The following PRMT2 variants were observed in gnomAD, a reference collection of about 807,000 sequenced individuals.
The protein encoded by PRMT2 is protein arginine N-methyltransferase 2.
Under a neutral mutation model 57.6 loss-of-function variants are expected in PRMT2, and 26 were observed. The ratio of observed to expected loss-of-function variants is 0.45; its 90% CI spans 0.33 to 0.63. The LOEUF is 0.63. PRMT2 is among the 20% of genes least tolerant of loss of function. The pLI is 0.02. For synonymous variants in PRMT2, 219 were observed against 220.0 expected, an observed-to-expected ratio of 1.00 and a Z score of 0.04; for missense variants, 472 against 564.4, an observed-to-expected ratio of 0.84 and a Z score of 1.66.
At chr21:46,662,518 G>T (rs2061645646) in intron 10 of PRMT2, among the ~76,000 whole-genome samples, 1 of 152,192 alleles carries the variant, frequency 6.6e-6, no homozygotes, top group Non-Finnish European at 1.5e-5. Flanking sequence ...CTGGCATGTG[G>T]TCCCCATCAC....
intron 7 of PRMT2, among the ~76,000 whole-genome samples, chr21:46,655,183 G>T (rs1432847553): frequency 6.6e-6 from 1 of 152,126 alleles, no homozygotes; most frequent in East Asian, 1.9e-4. Flanking sequence ...CAGAAAAGAA[G>T]AGGGAACACT....
In PRMT2 at chr21:46,648,389, C is replaced by T; in HGVS notation, c.328-69C>T. On this transcript the variant is annotated intron_variant, in intron 5 of 11. Transcript: ENST00000355680. This position sits in a 1 kb window ranked among gnomAD's most constrained non-coding sequence, Gnocchi z 4.8. ...GGTCATCAGCTGTGGCTCTGACCCTCCATCTCAGTCCAGACCTCAGCATGG... is the reference window on the plus strand; with the variant it reads ...GGTCATCAGCTGTGGCTCTGACCCTTCATCTCAGTCCAGACCTCAGCATGG... 6.4e-7 allele frequency: 1 copy of T among 1,555,190 alleles called. No individual in the cohort carries two copies. The highest frequency in any genetic ancestry group is 2.3e-5 in the East Asian group (1 of 44,334).
intron 5 of PRMT2, among the ~76,000 whole-genome samples, chr21:46,645,055 A>T (rs565722419): frequency 6.6e-6 from 1 of 152,022 alleles, no homozygotes; most frequent in Non-Finnish European, 1.5e-5. Flanking sequence ...GCCTGACAAC[A>T]TAGTGAGAAA....
chr21:46,663,037 T>G (rs890776013), intron 10 of PRMT2, among the ~76,000 whole-genome samples: 1 of 152,058 alleles, frequency 6.6e-6, no homozygotes, highest in Non-Finnish European at 1.5e-5. Context: ...TCCCCTGAGC[T>G]CCCGCATCCT....
chr21:46,658,866 G>A lies in PRMT2; in HGVS notation c.776G>A (p.Arg259His), dbSNP rs752126818. 11 of 1,614,184 alleles carry A rather than the reference G, an allele frequency of 6.8e-6. No homozygotes were observed. The highest frequency in any genetic ancestry group is 3.3e-5 in the Admixed American group (2 of 60,016). The change falls in exon 8 of 12, where the codon CGT (arginine) becomes CAT (histidine). Residue 259 changes from arginine (R) to histidine (H), a missense_variant. Coordinates refer to ENST00000355680, the MANE Select transcript of PRMT2 (RefSeq NM_206962.4). ...LVPCSADKDY[R>H]SKVLFWDNAY... Reference sequence around the variant, plus strand: ...CCCTGCAGTGCTGATAAGGATTATCGTAGCAAGGTGCTCTTCTGGGACAAC... The same window carrying A: ...CCCTGCAGTGCTGATAAGGATTATCATAGCAAGGTGCTCTTCTGGGACAAC...
rs114859886 is a variant in PRMT2 at position 46,650,679 on chromosome 21, C to A, written c.654+940C>A. Among the ~76,000 whole-genome samples, 1,035 of 152,232 alleles carry A rather than the reference C, an allele frequency of 6.8e-3. 10 individuals carry two copies. Among genetic ancestry groups the A allele is most frequent in the African/African-American group, 0.023 (947 of 41,528 alleles). On this transcript the variant is annotated intron_variant, in intron 7 of 11. Coordinates refer to ENST00000355680, the MANE Select transcript of PRMT2 (RefSeq NM_206962.4). Reference sequence around the variant, plus strand: ...CTGTTGACAGCTGGTGCCCCGGCCACGGGGACAAAAAGAGGACAGAGCAGG... The same window carrying A: ...CTGTTGACAGCTGGTGCCCCGGCCAAGGGGACAAAAAGAGGACAGAGCAGG...
chr21:46,654,086 C>T (rs2061504825), intron 7 of PRMT2: 1 of 985,524 alleles, frequency 1.0e-6, no homozygotes, highest in Non-Finnish European at 1.2e-6. Context: ...ACTGCAGTGT[C>T]CTCCTTCCCA....
At chr21:46,658,588 G>A in intron 7 of PRMT2, 157 bp from the exon 8 acceptor site, 1 of 1,343,170 alleles carries the variant, frequency 7.4e-7, no homozygotes, top group Non-Finnish European at 9.9e-7. Context: ...ATAAACCCTC[G>A]AGATGTTCTC....
At chr21:46,654,067 G>C in intron 7 of PRMT2, 2 of 988,132 alleles carry the variant, frequency 2.0e-6, no homozygotes, top group Non-Finnish European at 2.4e-6. Flanking sequence ...GGAGCTGGTG[G>C]GTGCTGAGAC....
At chr21:46,643,429 C>T in intron 3 of PRMT2, 106 bp from the exon 4 acceptor site, 3 of 1,352,584 alleles carry the variant, frequency 2.2e-6, no homozygotes, top group Non-Finnish European at 2.9e-6. Flanking sequence ...AATACTTGGA[C>T]ACATGAATCT....
At chr21:46,661,717 G>A in intron 9 of PRMT2, 83 bp from the exon 10 acceptor site, 1 of 1,237,020 alleles carries the variant, frequency 8.1e-7, no homozygotes, top group Non-Finnish European at 1.0e-6. Context: ...CGTCTGCGCG[G>A]GGCGCGTGGA....
chr21:46,653,789 C>A, intron 7 of PRMT2: 3 of 1,091,708 alleles, frequency 2.7e-6, no homozygotes, highest in Non-Finnish European at 3.4e-6. Flanking sequence ...ACAGAGACAT[C>A]TTTTTCAGGA....
intron 7 of PRMT2, chr21:46,651,707 T>A: frequency 7.4e-7 from 1 of 1,351,802 alleles, no homozygotes; most frequent in Non-Finnish European, 1.0e-6. Context: ...CCTATGGCGA[T>A]AGTTGTTGGG....
chr21:46,641,682 A>G (rs1397446019), intron 3 of PRMT2, among the ~76,000 whole-genome samples: 1 of 150,662 alleles, frequency 6.6e-6, no homozygotes, highest in African/African-American at 2.4e-5. Context: ...ACAGAGCGAG[A>G]CTCCATCCTA....
At chr21:46,663,229 C>A (rs1312850480) in intron 10 of PRMT2, among the ~76,000 whole-genome samples, 154 bp from the exon 11 acceptor site, 1 of 152,212 alleles carries the variant, frequency 6.6e-6, no homozygotes, top group Non-Finnish European at 1.5e-5. Context: ...GCCTGAAAAG[C>A]CAAGCTTTGT....
intron 10 of PRMT2, among the ~76,000 whole-genome samples, 153 bp downstream of exon 10, chr21:46,662,089 C>T (rs1298959313): frequency 6.8e-6 from 1 of 148,082 alleles, no homozygotes; most frequent in Non-Finnish European, 1.5e-5. Flanking sequence ...GTGGGGGCGG[C>T]GCGCATGGGG....
chr21:46,635,858 G>T (rs2061158460), intron 1 of PRMT2, 95 bp downstream of exon 1: 1 of 152,368 alleles, frequency 6.6e-6, no homozygotes, highest in Non-Finnish European at 1.5e-5. Context: ...CGTCGCTGGC[G>T]GACAGAGGCC....
intron 3 of PRMT2, among the ~76,000 whole-genome samples, chr21:46,637,408 G>A (rs1293030527): frequency 6.6e-6 from 1 of 152,126 alleles, no homozygotes; most frequent in East Asian, 1.9e-4. Flanking sequence ...GTTCAAGTTA[G>A]CAGTAAAAAA....
chr21:46,648,513 T>G lies in PRMT2; in HGVS notation c.383T>G (p.Val128Gly), dbSNP rs773341973. ...CCACGAACAACTAAATACCACAGTGTCATCCTGCAGAATAAAGAATCCCTG... is the reference window on the plus strand; with the variant it reads ...CCACGAACAACTAAATACCACAGTGGCATCCTGCAGAATAAAGAATCCCTG... Reference protein sequence around the residue: ...DQPRTTKYHSVILQNKESLTD... With the variant: ...DQPRTTKYHSGILQNKESLTD... Residue 128 changes from valine to glycine, a missense_variant, in exon 6 of 12, where the codon GTC becomes GGC. Physicochemically the swap from Val to Gly is moderately radical, Grantham distance 109 (BLOSUM62 -3). Around this residue, in one of 2 missense-constraint regions of PRMT2, gnomAD observed 243 missense variants for 347.2 expected, o/e 0.70. Transcript: ENST00000355680. This position sits in a 1 kb window ranked among gnomAD's most constrained non-coding sequence, Gnocchi z 4.8. 6.2e-7 allele frequency: 1 copy of G among 1,614,244 alleles called. No homozygotes were observed. The highest frequency in any genetic ancestry group is 2.2e-5 in the East Asian group (1 of 44,890).
Sources: gnomAD v4.1 joint callset for allele counts (sites outside exome capture counted in the v4.1 genomes callset) on GRCh38, gnomAD v4.1.1 for gene constraint, gnomAD v4.1.1 regional missense constraint, Gnocchi (gnomAD v3.1) non-coding constraint, MANE v1.5 for transcripts, NCBI Gene and HGNC (gene_info 2026-07-23, HGNC 2026-07-21) for gene names.